ATP10B: variants seen among roughly 807,000 people sequenced by gnomAD.
The protein encoded by ATP10B is phospholipid-transporting ATPase VB.
A neutral mutation model predicts 141.2 loss-of-function variants in ATP10B; 122 were observed. The ratio of observed to expected loss-of-function variants is 0.86; its 90% CI spans 0.75 to 1.00. The LOEUF (loss-of-function observed/expected upper bound fraction) is 1.00. Among genes scored for constraint, ATP10B ranks in the 50% least tolerant of loss-of-function variants. The probability of loss-of-function intolerance (pLI) is 0.00; values close to 1 mark genes in which losing one functional copy is unlikely to be tolerated. For missense variants in ATP10B, 1,876 were observed against 1,825.3 expected (o/e 1.03, Z -0.51); for synonymous variants, 685 against 692.0 (o/e 0.99, Z 0.16).
chr5:160,791,614 A>C (rs1036165963), intron 1 of ATP10B, among the ~76,000 whole-genome samples: 1 of 152,194 alleles, frequency 6.6e-6, no homozygotes, highest in African/African-American at 2.4e-5. Context: ...CAAAATGGCC[A>C]TCAGAGCTCT....
At chr5:160,708,734 C>T (rs1484831185) in intron 3 of ATP10B, among the ~76,000 whole-genome samples, 1 of 152,144 alleles carries the variant, frequency 6.6e-6, no homozygotes, top group Non-Finnish European at 1.5e-5. Context: ...CTATTCCGCC[C>T]TTCTGCTATG....
At chr5:160,601,760 C>G (rs1757110361) in intron 21 of ATP10B, among the ~76,000 whole-genome samples, 1 of 152,216 alleles carries the variant, frequency 6.6e-6, no homozygotes, top group African/African-American at 2.4e-5. Context: ...TCTTCAAGGT[C>G]ATACAGCATG....
intron 2 of ATP10B, among the ~76,000 whole-genome samples, chr5:160,771,446 A>G (rs1362634330): frequency 2.0e-5 from 3 of 152,176 alleles, no homozygotes; most frequent in Non-Finnish European, 4.4e-5. Flanking sequence ...TCTTTAAAGA[A>G]TTACTTCATG....
chr5:160,922,776 G>C, the ATP10B span, among the ~76,000 whole-genome samples: 1 of 152,144 alleles, frequency 6.6e-6, no homozygotes, highest in Non-Finnish European at 1.5e-5. Flanking sequence ...CTGGGTGCTG[G>C]GGACAGTGAC....
chr5:160,733,031 T>C (rs1294552346), intron 2 of ATP10B, among the ~76,000 whole-genome samples: 2 of 152,190 alleles, frequency 1.3e-5, no homozygotes, highest in Non-Finnish European at 2.9e-5. Flanking sequence ...ATTAAATATG[T>C]AGATTGCTTT....
chr5:160,887,239 T>C, the ATP10B span, among the ~76,000 whole-genome samples: 1 of 152,226 alleles, frequency 6.6e-6, no homozygotes, highest in South Asian at 2.1e-4. Context: ...ACACTATTTG[T>C]GTATAACCAA....
At chr5:160,826,751 C>T (rs1037791286) in intron 1 of ATP10B, among the ~76,000 whole-genome samples, 1 of 152,138 alleles carries the variant, frequency 6.6e-6, no homozygotes, top group Admixed American at 6.5e-5. Flanking sequence ...AAAGGAATTG[C>T]ATTCCTGTGG....
chr5:160,785,636 T>C lies in ATP10B; in HGVS notation c.-408A>G. The C allele has an allele frequency of 1.6e-6, 2 of 1,270,446 alleles. No individual in the cohort carries two copies. The highest frequency in any genetic ancestry group is 2.5e-5 in the South Asian group (2 of 80,680). The allele number at this position is 1,270,446 out of a possible 1,614,324, so 78.7% of individuals were successfully genotyped here. A position where few individuals can be genotyped will look rare whatever the true frequency, so the allele number is the denominator to read the frequency against. On this transcript the variant is annotated 5_prime_UTR_variant, in exon 2 of 26. Coordinates refer to ENST00000327245, the MANE Select transcript of ATP10B (RefSeq NM_025153.3). ...AGTCTCAGTGTTTATTGTTCTCATCTTTGTGTCCATGTGTAAGAAATGGTA... is the reference window on the plus strand; with the variant it reads ...AGTCTCAGTGTTTATTGTTCTCATCCTTGTGTCCATGTGTAAGAAATGGTA...
intron 2 of ATP10B, among the ~76,000 whole-genome samples, chr5:160,750,363 GC>G (rs1270190731): frequency 1.3e-5 from 2 of 152,128 alleles, no homozygotes; most frequent in African/African-American, 2.4e-5. Flanking sequence ...CAAGCAAATA[GC>G]CCCAGCCCGC....
chr5:160,859,098 A>T, the ATP10B span, among the ~76,000 whole-genome samples: 1 of 151,886 alleles, frequency 6.6e-6, no homozygotes, highest in African/African-American at 2.4e-5. Context: ...TTTTAAGATA[A>T]GTCTGCTGGC....
intron 7 of ATP10B, among the ~76,000 whole-genome samples, chr5:160,667,656 G>A (rs1223376081): frequency 6.6e-6 from 1 of 152,106 alleles, no homozygotes; most frequent in East Asian, 1.9e-4. Flanking sequence ...GAGGGTTAGG[G>A]TTGGAGAGAC....
chr5:160,912,440 A>AAAAAAAAAAG, the ATP10B span, among the ~76,000 whole-genome samples: 1 of 134,742 alleles, frequency 7.4e-6, no homozygotes, highest in African/African-American at 2.9e-5. Flanking sequence ...AAAAAAAAAA[A>AAAAAAAAAAG]AGAGAAAACT....
At chr5:160,748,419 T>A (rs1767949018) in intron 2 of ATP10B, among the ~76,000 whole-genome samples, 1 of 152,200 alleles carries the variant, frequency 6.6e-6, no homozygotes, top group Non-Finnish European at 1.5e-5. Context: ...CCCAGGACAA[T>A]TGATAGCATT....
chr5:160,831,183 C>A (rs766897754), intron 1 of ATP10B, among the ~76,000 whole-genome samples: 3 of 151,690 alleles, frequency 2.0e-5, no homozygotes, highest in Admixed American at 1.3e-4. Flanking sequence ...AATAGTATTT[C>A]TTAGTTTGTT....
chr5:160,814,131 G>C (rs1017307494), intron 1 of ATP10B, among the ~76,000 whole-genome samples: 1 of 152,212 alleles, frequency 6.6e-6, no homozygotes, highest in Non-Finnish European at 1.5e-5. Context: ...AAGCTGGAAG[G>C]AGAATGACTT....
intron 2 of ATP10B, among the ~76,000 whole-genome samples, chr5:160,741,424 T>C (rs1018373054): frequency 9.8e-5 from 15 of 152,302 alleles, no homozygotes; most frequent in South Asian, 2.1e-4. Context: ...AGACTGGCGG[T>C]CAGTGACTTG....
intron 3 of ATP10B, among the ~76,000 whole-genome samples, chr5:160,708,970 T>C (rs1454695608): frequency 6.6e-6 from 1 of 152,152 alleles, no homozygotes; most frequent in African/African-American, 2.4e-5. Flanking sequence ...AACAGACCCG[T>C]GTAGATATGC....
In ATP10B at chr5:160,688,051, C is replaced by G; in HGVS notation, c.24G>C (p.Ser8=). Residue 8 remains serine (S), a synonymous_variant, in exon 5 of 26, where the codon TCG becomes TCC. Transcript: ENST00000327245. ...TGACTCTCCACTGCCACCGATGCCA[C>G]GATGAGTCCACTGAGAGGGCCATTT... MALSVDS[S]WHRWQWRVRD... The G allele has an allele frequency of 1.2e-6, 2 of 1,613,260 alleles. No individual in the cohort carries two copies. The highest frequency in any genetic ancestry group is 1.3e-5 in the African/African-American group (1 of 74,968).
intron 13 of ATP10B, among the ~76,000 whole-genome samples, chr5:160,628,496 C>T (rs904925646): frequency 1.4e-4 from 22 of 152,138 alleles, no homozygotes; most frequent in Non-Finnish European, 2.5e-4. Flanking sequence ...GCATAAATCT[C>T]TTCCAAAGAA....
Sources: gnomAD v4.1 joint callset for allele counts (sites outside exome capture counted in the v4.1 genomes callset) on GRCh38, gnomAD v4.1.1 for gene constraint, MANE v1.5 for transcripts, NCBI Gene and HGNC (gene_info 2026-07-23, HGNC 2026-07-21) for gene names.